The following VRK2 variants were observed in gnomAD, a reference collection of about 807,000 sequenced individuals.
VRK2 encodes serine/threonine-protein kinase VRK2.
In VRK2, 60 loss-of-function variants were observed where a neutral mutation model predicts 57.6. The observed-to-expected ratio is 1.04, with a 90% confidence interval of 0.85 to 1.29. The LOEUF (loss-of-function observed/expected upper bound fraction) is 1.29, where lower values mean the gene tolerates loss of function less well. Ranked by LOEUF, VRK2 falls within the 50% of genes most tolerant of loss-of-function variation. The pLI is 0.00. For missense variants in VRK2, 705 were observed against 588.1 expected (o/e 1.20, Z -2.06); for synonymous variants, 231 against 199.2 (o/e 1.16, Z -1.35).
chr2:58,129,911 A>G (rs576136050), intron 8 of VRK2, among the ~76,000 whole-genome samples: 1 of 152,340 alleles, frequency 6.6e-6, no homozygotes, highest in East Asian at 1.9e-4. Context: ...AACGGTAGTT[A>G]TTAATACCGA....
At chr2:57,972,561 G>A (rs1457773888) in intron 1 of VRK2, among the ~76,000 whole-genome samples, 1 of 151,822 alleles carries the variant, frequency 6.6e-6, no homozygotes, top group Non-Finnish European at 1.5e-5. Flanking sequence ...GGAGTGATTA[G>A]TTTCTGGGAG....
In VRK2 at chr2:57,996,042, A is replaced by G. The variant is rs910885170; in HGVS notation, c.-438-29623A>G. 4.6e-5 allele frequency among the ~76,000 whole-genome samples: 7 copies of G among 152,240 alleles called. No individual in the cohort carries two copies. In the East Asian group the frequency reaches 5.8e-4, roughly 13 times the overall value. On this transcript the variant is annotated intron_variant, in intron 1 of 15. Coordinates refer to the VRK2 transcript ENST00000417641. ...ATAAAAACAATACAGTGCAACAACT[A>G]TTTATAAAACATTTACATTGCATTA...
At chr2:57,933,963 T>G (rs1670823232) in intron 1 of VRK2, among the ~76,000 whole-genome samples, 1 of 152,170 alleles carries the variant, frequency 6.6e-6, no homozygotes, top group African/African-American at 2.4e-5. Flanking sequence ...TTTTATAGAG[T>G]CTAACAGTCT....
intron 1 of VRK2, among the ~76,000 whole-genome samples, chr2:57,936,289 G>C (rs1054521433): frequency 6.6e-6 from 1 of 151,962 alleles, no homozygotes; most frequent in Non-Finnish European, 1.5e-5. Flanking sequence ...ATTTAATTTT[G>C]TCAACATAAT....
At chr2:58,137,724 T>G (rs563152946) in intron 10 of VRK2, among the ~76,000 whole-genome samples, 1 of 152,244 alleles carries the variant, frequency 6.6e-6, no homozygotes, top group South Asian at 2.1e-4. Context: ...TTTCAAAAGT[T>G]TCTATCTCTT....
chr2:58,001,863 T>A (rs1254800771), intron 1 of VRK2, among the ~76,000 whole-genome samples: 3 of 151,892 alleles, frequency 2.0e-5, no homozygotes, highest in Non-Finnish European at 2.9e-5. Context: ...ATAATATGAG[T>A]CATTGGAGAC....
chr2:58,065,827 G>A (rs114463527), intron 2 of VRK2, among the ~76,000 whole-genome samples: 2,170 of 152,134 alleles, frequency 0.014, 51 homozygotes, highest in African/African-American at 0.047. Context: ...TACATGTATT[G>A]TTGGGTATAT....
chr2:58,134,617 CAAAA>C (rs70954875), intron 9 of VRK2, among the ~76,000 whole-genome samples: 1 of 73,092 alleles, frequency 1.4e-5, no homozygotes. Flanking sequence ...GACTCCGTCT[CAAAA>C]AAAAAAAAAA....
chr2:58,113,974 T>C (rs577697323), intron 7 of VRK2, among the ~76,000 whole-genome samples: 2 of 152,264 alleles, frequency 1.3e-5, no homozygotes, highest in East Asian at 3.9e-4. Flanking sequence ...TTCTCAGGGC[T>C]GCTTCAACAG....
intron 2 of VRK2, among the ~76,000 whole-genome samples, chr2:58,054,836 G>A (rs1277971603): frequency 2.6e-5 from 4 of 152,068 alleles, no homozygotes; most frequent in African/African-American, 4.8e-5. Context: ...TGTTATTCCT[G>A]AACACTCTGT....
chr2:58,139,679 A>G lies in VRK2; in HGVS notation c.870A>G (p.Gln290=), dbSNP rs762134747. 1.3e-5 allele frequency: 21 copies of G among 1,610,362 alleles called. No individual in the cohort carries two copies. Among genetic ancestry groups the G allele is most frequent in the South Asian group, 2.2e-5 (2 of 90,278 alleles). The change falls in exon 11 of 13, where the codon CAA becomes CAG. Residue 290 remains glutamine (Q), a synonymous_variant. Coordinates refer to ENST00000340157, the MANE Select transcript of VRK2 (RefSeq NM_006296.7). ...PSGSSCCEIA[Q]FLVCAHSLAY... ...AATAATTCACAGGTGAAATAGCCCA[A>G]TTTTTGGTATGTGCTCATAGTTTAG...
chr2:58,091,012 G>A (rs907378359), intron 7 of VRK2, among the ~76,000 whole-genome samples: 5 of 152,176 alleles, frequency 3.3e-5, no homozygotes, highest in Non-Finnish European at 5.9e-5. Flanking sequence ...CAAAACTATA[G>A]AGACAGTAAA....
intron 1 of VRK2, among the ~76,000 whole-genome samples, chr2:57,986,187 T>C (rs1294613093): frequency 1.3e-5 from 2 of 151,962 alleles, no homozygotes. Context: ...AATAGTTAAC[T>C]TGAATCAAGT....
chr2:58,150,682 A>G (rs917502271), intron 12 of VRK2, among the ~76,000 whole-genome samples: 2 of 146,990 alleles, frequency 1.4e-5, no homozygotes, highest in African/African-American at 5.0e-5. Flanking sequence ...CTTATTTTGC[A>G]TTTAATTTAT....
At chr2:58,098,237 G>C (rs900589150) in intron 7 of VRK2, among the ~76,000 whole-genome samples, 1 of 151,856 alleles carries the variant, frequency 6.6e-6, no homozygotes, top group African/African-American at 2.4e-5. Flanking sequence ...GAGTCAAAAA[G>C]TTTTAAAAAA....
At chr2:57,911,180 C>A (rs987025108) in intron 1 of VRK2, among the ~76,000 whole-genome samples, 4 of 151,960 alleles carry the variant, frequency 2.6e-5, no homozygotes, top group African/African-American at 9.7e-5. Flanking sequence ...GTAATATTAG[C>A]AACATAGTTT....
chr2:58,154,873 T>C (rs1683560385), intron 12 of VRK2: 2 of 621,524 alleles, frequency 3.2e-6, no homozygotes, highest in South Asian at 2.1e-5. Context: ...TTTATACATT[T>C]CAATTTTGTT....
intron 2 of VRK2, among the ~76,000 whole-genome samples, chr2:58,073,371 C>G (rs1669614157): frequency 1.3e-5 from 2 of 151,872 alleles, no homozygotes; most frequent in South Asian, 2.1e-4. Context: ...AACTTTTTGC[C>G]TGCTGCATCT....
intron 1 of VRK2, among the ~76,000 whole-genome samples, chr2:57,981,344 G>A (rs891063350): frequency 6.6e-6 from 1 of 152,080 alleles, no homozygotes; most frequent in African/African-American, 2.4e-5. Flanking sequence ...TTCTACCCTG[G>A]GTGGGTGGAA....
Sources: allele counts gnomAD v4.1 joint callset (sites outside exome capture counted in the v4.1 genomes callset), GRCh38; gene constraint gnomAD v4.1.1; transcripts MANE v1.5; gene names NCBI Gene and HGNC (gene_info 2026-07-23, HGNC 2026-07-21).